Variants in PCCA observed in about 807,000 individuals in gnomAD.
The protein encoded by PCCA is propionyl-CoA carboxylase subunit alpha.
Under a neutral mutation model 101.3 loss-of-function variants are expected in PCCA, and 74 were observed. The observed-to-expected ratio is 0.73, with a 90% confidence interval of 0.61 to 0.89. The LOEUF is 0.89. Ranked by LOEUF, PCCA falls within the 40% of genes least tolerant of loss-of-function variation. PCCA has a pLI of 0.00. For synonymous variants in PCCA, 294 were observed against 313.6 expected (o/e 0.94, Z 0.66); for missense variants, 891 against 907.0 (o/e 0.98, Z 0.23).
At chr13:100,214,685 C>A (rs1211823135) in intron 7 of PCCA, among the ~76,000 whole-genome samples, 3 of 152,156 alleles carry the variant, frequency 2.0e-5, no homozygotes, top group African/African-American at 2.4e-5. Flanking sequence ...CTCTGCCTCC[C>A]AAAGTGCTGG....
chr13:100,155,092 T>C lies in PCCA; in HGVS notation c.414T>C (p.Ala138=), dbSNP rs1429229862. ...MEAIKKTRAQ[A]VHPGYGFLSE... ...CCATTAAGAAAACCAGGGCCCAAGC[T>C]GTGAGTCTGAATGAATCTATCTACT... Residue 138 remains alanine, a splice_region_variant and synonymous_variant, in exon 5 of 24, where the codon GCT becomes GCC. Coordinates refer to ENST00000376285, the MANE Select transcript of PCCA (RefSeq NM_000282.4). 6.3e-7 allele frequency: 1 copy of C among 1,594,060 alleles called. No homozygotes were observed. Among genetic ancestry groups the C allele is most frequent in the South Asian group, 1.1e-5 (1 of 90,618 alleles).
At chr13:100,387,220 T>C (rs2076559656) in intron 19 of PCCA, among the ~76,000 whole-genome samples, 1 of 152,130 alleles carries the variant, frequency 6.6e-6, no homozygotes, top group Non-Finnish European at 1.5e-5. Context: ...ATTAAGAAAT[T>C]GGAAAAAGCA....
chr13:100,169,454 AAT>A (rs2055399186), intron 6 of PCCA, among the ~76,000 whole-genome samples: 2 of 146,334 alleles, frequency 1.4e-5, no homozygotes, highest in Non-Finnish European at 3.0e-5. Context: ...AAAAAAAAAA[AAT>A]CCCTTGATTT....
intron 6 of PCCA, among the ~76,000 whole-genome samples, chr13:100,188,573 C>T (rs552935694): frequency 1.1e-4 from 16 of 152,282 alleles, no homozygotes; most frequent in African/African-American, 3.8e-4. Context: ...GGTAGACACC[C>T]AATAATGGGA....
chr13:100,476,769 C>A (rs1269970144), intron 21 of PCCA, among the ~76,000 whole-genome samples: 2 of 152,162 alleles, frequency 1.3e-5, no homozygotes. Flanking sequence ...ATCAAAATCA[C>A]CTTCATGTGT....
intron 9 of PCCA, among the ~76,000 whole-genome samples, chr13:100,259,615 G>A (rs2062338897): frequency 1.3e-5 from 2 of 152,044 alleles, no homozygotes; most frequent in Admixed American, 1.3e-4. Context: ...TTACAGGCGT[G>A]CACCACTGCG....
chr13:100,454,833 TA>T (rs575915905), intron 21 of PCCA, among the ~76,000 whole-genome samples: 131 of 152,254 alleles, frequency 8.6e-4, no homozygotes, highest in African/African-American at 3.0e-3. Context: ...TCTGAACTTT[TA>T]AAAAAAGCTG....
chr13:100,255,273 C>G (rs2062004102), intron 8 of PCCA, among the ~76,000 whole-genome samples: 1 of 152,174 alleles, frequency 6.6e-6, no homozygotes, highest in Non-Finnish European at 1.5e-5. Context: ...TAATGACTTC[C>G]CACCTTTTCT....
intron 7 of PCCA, among the ~76,000 whole-genome samples, chr13:100,229,853 T>A (rs944078590): frequency 6.6e-6 from 1 of 152,212 alleles, no homozygotes; most frequent in South Asian, 2.1e-4. Context: ...GTTCCAGTGC[T>A]GTTTCTTTAC....
chr13:100,348,890 TTTCC>T (rs72229087), intron 18 of PCCA, among the ~76,000 whole-genome samples: 26,522 of 124,536 alleles, frequency 0.21, 4,326 homozygotes, highest in Non-Finnish European at 0.26. Context: ...CTTTTCTTTC[TTTCC>T]TTCCTTCCTT....
At chr13:100,171,138 A>G (rs2055593636) in intron 6 of PCCA, among the ~76,000 whole-genome samples, 1 of 152,248 alleles carries the variant, frequency 6.6e-6, no homozygotes, top group Admixed American at 6.5e-5. Context: ...CACATGTTAA[A>G]GAGATTTGTG....
intron 20 of PCCA, among the ~76,000 whole-genome samples, chr13:100,442,005 T>A (rs1349434642): frequency 6.6e-6 from 1 of 151,060 alleles, no homozygotes; most frequent in Non-Finnish European, 1.5e-5. Flanking sequence ...TTTTTTTTTT[T>A]ATTTTTGAGA....
chr13:100,261,929 G>GC (rs1032625476), intron 9 of PCCA, among the ~76,000 whole-genome samples: 48 of 152,226 alleles, frequency 3.2e-4, no homozygotes, highest in African/African-American at 9.4e-4. Flanking sequence ...GAGTGTATTT[G>GC]CTGTAGTTCC....
chr13:100,426,108 A>G (rs1013194521), intron 20 of PCCA, among the ~76,000 whole-genome samples: 10 of 152,032 alleles, frequency 6.6e-5, no homozygotes, highest in African/African-American at 2.4e-4. Context: ...GTGTTAGGCT[A>G]GTAAAACTTG....
chr13:100,319,600 C>T (rs1260398824), intron 16 of PCCA, among the ~76,000 whole-genome samples: 2 of 152,164 alleles, frequency 1.3e-5, no homozygotes, highest in Non-Finnish European at 1.5e-5. Context: ...GGAATCCTTT[C>T]CCCATTTCTT....
At chr13:100,366,934 T>C (rs1221580538) in intron 18 of PCCA, among the ~76,000 whole-genome samples, 1 of 152,110 alleles carries the variant, frequency 6.6e-6, no homozygotes, top group Non-Finnish European at 1.5e-5. Context: ...CTAGAGGTGA[T>C]TGGATTAGAA....
chr13:100,160,231 G>T (rs925799719), intron 6 of PCCA, among the ~76,000 whole-genome samples: 1 of 152,032 alleles, frequency 6.6e-6, no homozygotes, highest in African/African-American at 2.4e-5. Context: ...GGCCGGGCGC[G>T]GTGGCTCATG....
At chr13:100,202,181 A>G (rs1402736167) in intron 6 of PCCA, among the ~76,000 whole-genome samples, 3 of 151,250 alleles carry the variant, frequency 2.0e-5, no homozygotes, top group East Asian at 3.9e-4. Context: ...AAAAAAAAAA[A>G]AAAAAAACTG....
Position 100,463,992 on chromosome 13 carries a change from G to T in PCCA, c.1899+14687G>T, listed in dbSNP as rs77057002. On this transcript the variant is annotated intron_variant, in intron 21 of 23. Coordinates refer to ENST00000376285, the MANE Select transcript of PCCA (RefSeq NM_000282.4). ...AGTAAAATTAATATTTATAAATAAT[G>T]CCTTACGCGTGTATGGTGCTTTAGG... 7.4e-3 allele frequency among the ~76,000 whole-genome samples: 1,124 copies of T among 152,280 alleles called. 14 individuals are homozygous for T. The highest frequency in any genetic ancestry group is 0.025 in the African/African-American group (1,056 of 41,544).
Sources: gnomAD v4.1 joint callset for allele counts (sites outside exome capture counted in the v4.1 genomes callset) on GRCh38, gnomAD v4.1.1 for gene constraint, MANE v1.5 for transcripts, NCBI Gene and HGNC (gene_info 2026-07-23, HGNC 2026-07-21) for gene names.